Variants in ZDHHC21 observed in about 807,000 individuals in gnomAD.
ZDHHC21 encodes palmitoyltransferase ZDHHC21.
In ZDHHC21, 15 loss-of-function variants were observed where a neutral mutation model predicts 34.6. The observed-to-expected ratio is 0.43, with a 90% CI of 0.29 to 0.67. The LOEUF (loss-of-function observed/expected upper bound fraction) is 0.67, where lower values mean the gene tolerates loss of function less well. Ranked by LOEUF, ZDHHC21 falls within the 30% of genes least tolerant of loss-of-function variation. ZDHHC21 has a pLI of 0.14. For synonymous variants in ZDHHC21, 142 were observed against 101.8 expected, an observed-to-expected ratio of 1.40 and a Z score of -2.38; for missense variants, 344 against 327.7, an observed-to-expected ratio of 1.05 and a Z score of -0.38.
intron 6 of ZDHHC21, among the ~76,000 whole-genome samples, chr9:14,661,143 A>C (rs1034634878): frequency 1.3e-5 from 2 of 152,176 alleles, no homozygotes; most frequent in Non-Finnish European, 2.9e-5. Context: ...AATTTTTAAA[A>C]TTTTTATGTA....
chr9:14,651,724 C>A (rs1479297971), intron 7 of ZDHHC21, among the ~76,000 whole-genome samples: 1 of 151,900 alleles, frequency 6.6e-6, no homozygotes, highest in African/African-American at 2.4e-5. Flanking sequence ...CCGTAATTTT[C>A]TAGTTTTGGT....
At chr9:14,605,841 T>C in the ZDHHC21 span, among the ~76,000 whole-genome samples, 2 of 152,202 alleles carry the variant, frequency 1.3e-5, no homozygotes, top group Non-Finnish European at 2.9e-5. Flanking sequence ...TTTGTCCATC[T>C]GAAATAATTT....
intron 7 of ZDHHC21, among the ~76,000 whole-genome samples, chr9:14,652,957 G>A (rs577892566): frequency 3.9e-5 from 6 of 152,056 alleles, no homozygotes; most frequent in East Asian, 3.9e-4. Flanking sequence ...ACCTATCTAC[G>A]TGAAAGGGTA....
intron 5 of ZDHHC21, among the ~76,000 whole-genome samples, chr9:14,666,348 T>G (rs1431944758): frequency 4.5e-5 from 6 of 132,838 alleles, no homozygotes; most frequent in African/African-American, 5.4e-5. Context: ...GATTCATAAA[T>G]CAAGTCCTGA....
At chr9:14,688,785 C>T (rs372515238) in intron 2 of ZDHHC21, among the ~76,000 whole-genome samples, 1 of 152,140 alleles carries the variant, frequency 6.6e-6, no homozygotes, top group East Asian at 1.9e-4. Flanking sequence ...TTGCTTGAAC[C>T]CGGGAGGCGG....
chr9:14,624,749 ACAGTCAACAAAG>A, intron 8 of ZDHHC21, among the ~76,000 whole-genome samples: 1 of 152,110 alleles, frequency 6.6e-6, no homozygotes, highest in East Asian at 1.9e-4. Context: ...CAGTGTGATT[ACAGTCAACAAAG>A]TACTGTACAT....
intron 8 of ZDHHC21, among the ~76,000 whole-genome samples, chr9:14,622,098 T>C (rs1425971131): frequency 6.6e-6 from 1 of 152,156 alleles, no homozygotes; most frequent in Non-Finnish European, 1.5e-5. Context: ...ATGTGTCGTC[T>C]ACCAGAACAC....
chr9:14,662,984 G>A (rs991307153), intron 5 of ZDHHC21, among the ~76,000 whole-genome samples: 6 of 152,124 alleles, frequency 3.9e-5, no homozygotes, highest in Non-Finnish European at 7.4e-5. Context: ...TGAAAATAAA[G>A]GAGTTCTTCA....
chr9:14,642,514 G>C (rs954519821), intron 7 of ZDHHC21, among the ~76,000 whole-genome samples: 1 of 152,158 alleles, frequency 6.6e-6, no homozygotes. Context: ...GAATATGACT[G>C]TAGTTGGAGA....
chr9:14,673,484 C>G (rs1423982887), intron 4 of ZDHHC21, among the ~76,000 whole-genome samples: 1 of 150,972 alleles, frequency 6.6e-6, no homozygotes, highest in Non-Finnish European at 1.5e-5. Flanking sequence ...CACCATAATT[C>G]TACATTTTTA....
At chr9:14,657,624 C>G (rs1473406273) in intron 7 of ZDHHC21, among the ~76,000 whole-genome samples, 1 of 152,046 alleles carries the variant, frequency 6.6e-6, no homozygotes, top group Non-Finnish European at 1.5e-5. Flanking sequence ...AATATATAAA[C>G]AAAAGAAAGT....
At chr9:14,623,656 AAAAAG>A (rs893488129) in intron 8 of ZDHHC21, among the ~76,000 whole-genome samples, 18 of 151,948 alleles carry the variant, frequency 1.2e-4, no homozygotes, top group African/African-American at 4.1e-4. Context: ...AAAAAAAAAA[AAAAAG>A]AGAGAGAAAA....
At chr9:14,684,238 A>C (rs928102612) in intron 2 of ZDHHC21, among the ~76,000 whole-genome samples, 4 of 151,564 alleles carry the variant, frequency 2.6e-5, no homozygotes, top group African/African-American at 4.9e-5. Context: ...AGGGTATTCA[A>C]TTAGGAAAAG....
chr9:14,660,997 A>C (rs1833289382), intron 6 of ZDHHC21, among the ~76,000 whole-genome samples: 1 of 152,196 alleles, frequency 6.6e-6, no homozygotes, highest in Non-Finnish European at 1.5e-5. Context: ...CAGATCACTG[A>C]GCTTAAGAAA....
chr9:14,596,798 G>A, the ZDHHC21 span, among the ~76,000 whole-genome samples: 1 of 152,140 alleles, frequency 6.6e-6, no homozygotes, highest in African/African-American at 2.4e-5. Context: ...AGAGGTACGT[G>A]GCACTTGTCT....
intron 8 of ZDHHC21, among the ~76,000 whole-genome samples, chr9:14,626,374 G>C (rs1826205109): frequency 1.3e-5 from 2 of 151,974 alleles, no homozygotes; most frequent in Non-Finnish European, 2.9e-5. Context: ...AAAATTGTTA[G>C]TAAAAGGAAA....
At chr9:14,638,343 G>T (rs1178751616) in intron 8 of ZDHHC21, among the ~76,000 whole-genome samples, 1 of 151,968 alleles carries the variant, frequency 6.6e-6, no homozygotes, top group African/African-American at 2.4e-5. Flanking sequence ...ATATGCATAA[G>T]AATGAAGACG....
chr9:14,638,980 A>G (rs1308119921), intron 8 of ZDHHC21, among the ~76,000 whole-genome samples: 1 of 152,084 alleles, frequency 6.6e-6, no homozygotes, highest in African/African-American at 2.4e-5. Flanking sequence ...GAACTACCAT[A>G]AGATCCAGCA....
intron 8 of ZDHHC21, among the ~76,000 whole-genome samples, chr9:14,634,886 AAAT>A (rs1399081564): frequency 2.7e-5 from 4 of 150,430 alleles, no homozygotes; most frequent in South Asian, 2.1e-4. Context: ...AAATAATTCA[AAAT>A]AATATTAAAG....
Sources: gnomAD v4.1 joint callset for allele counts (sites outside exome capture counted in the v4.1 genomes callset) on GRCh38, gnomAD v4.1.1 for gene constraint, MANE v1.5 for transcripts, NCBI Gene and HGNC (gene_info 2026-07-23, HGNC 2026-07-21) for gene names.